RBFOX1: variants seen among roughly 807,000 people sequenced by gnomAD.
RBFOX1 encodes the protein RNA binding protein fox-1 homolog 1.
In RBFOX1, 8 loss-of-function variants were observed where a neutral mutation model predicts 57.7. The ratio of observed to expected loss-of-function variants is 0.14; its 90% CI spans 0.08 to 0.25. RBFOX1 has a LOEUF of 0.25. RBFOX1 is among the 10% of genes least tolerant of loss of function. RBFOX1 has a pLI of 1.00. For synonymous variants in RBFOX1, 326 were observed against 222.4 expected (o/e 1.47, Z -4.15); for missense variants, 611 against 548.5 (o/e 1.11, Z -1.14).
intron 1 of RBFOX1, among the ~76,000 whole-genome samples, chr16:6,087,210 G>A (rs2096099442): frequency 6.6e-6 from 1 of 152,172 alleles, no homozygotes; most frequent in African/African-American, 2.4e-5. Flanking sequence ...GTGAAAAGTG[G>A]CACATTTTTA....
At chr16:7,022,963 A>G (rs1182466109) in intron 3 of RBFOX1, among the ~76,000 whole-genome samples, 1 of 152,174 alleles carries the variant, frequency 6.6e-6, no homozygotes, top group Admixed American at 6.5e-5. Context: ...CACAGCCAGG[A>G]AGGAGGCAGA....
chr16:5,638,044 G>A (rs962377246), intron 3 of RBFOX1, among the ~76,000 whole-genome samples: 34 of 152,172 alleles, frequency 2.2e-4, no homozygotes, highest in East Asian at 1.5e-3. Flanking sequence ...TCTCATACGG[G>A]AGTTCCTTTT....
intron 3 of RBFOX1, among the ~76,000 whole-genome samples, chr16:6,954,949 G>A (rs2081455399): frequency 6.6e-6 from 1 of 152,144 alleles, no homozygotes; most frequent in Non-Finnish European, 1.5e-5. Context: ...TTAATATGAA[G>A]GCTGGGTGTG....
intron 4 of RBFOX1, among the ~76,000 whole-genome samples, chr16:5,987,184 G>C (rs777549378): frequency 6.6e-6 from 1 of 151,994 alleles, no homozygotes; most frequent in African/African-American, 2.4e-5. Context: ...TTATTGAATT[G>C]TTTGTTCACA....
intron 2 of RBFOX1, among the ~76,000 whole-genome samples, chr16:5,567,767 AC>A (rs1371649006): frequency 1.1e-4 from 17 of 151,668 alleles, no homozygotes; most frequent in African/African-American, 4.1e-4. Context: ...CATTGTCGTC[AC>A]CGTCACCTAT....
chr16:5,553,562 G>A (rs34126832), intron 2 of RBFOX1, among the ~76,000 whole-genome samples: 50,610 of 151,556 alleles, frequency 0.33, 8,864 homozygotes, highest in Admixed American at 0.37. Flanking sequence ...TGATCTGCCC[G>A]TCTCAGCCTC....
rs139450007 is a variant in RBFOX1, at chr16:6,149,234, C to T, written c.-127+129242C>T. On this transcript the variant is annotated intron_variant, in intron 1 of 15. Coordinates refer to ENST00000550418, the MANE Select transcript of RBFOX1 (RefSeq NM_018723.4). Reference sequence around the variant, plus strand: ...ATGTGTGTGTGTGCGCGCGCGTGCGCGGATGTGTGTGGCTGCTTGTGTAGC... The same window carrying T: ...ATGTGTGTGTGTGCGCGCGCGTGCGTGGATGTGTGTGGCTGCTTGTGTAGC... 1.6e-3 allele frequency among the ~76,000 whole-genome samples: 248 copies of T among 152,284 alleles called. 1 individual carries two copies. Among genetic ancestry groups the T allele is most frequent in the African/African-American group, 5.1e-3 (213 of 41,560 alleles).
chr16:6,203,933 A>G (rs951904468), intron 1 of RBFOX1, among the ~76,000 whole-genome samples: 2 of 150,860 alleles, frequency 1.3e-5, no homozygotes, highest in African/African-American at 2.4e-5. Flanking sequence ...CAGAGAAATC[A>G]TATTAACTCT....
At chr16:7,169,939 G>A (rs1221992274) in intron 4 of RBFOX1, among the ~76,000 whole-genome samples, 1 of 152,076 alleles carries the variant, frequency 6.6e-6, no homozygotes, top group Admixed American at 6.5e-5. Flanking sequence ...TGGGCATGGT[G>A]ACACACGCCT....
chr16:6,775,870 C>G (rs937518357), intron 3 of RBFOX1: 1 of 152,180 alleles, frequency 6.6e-6, no homozygotes, highest in African/African-American at 2.4e-5. Context: ...TGCAAAGCTT[C>G]CACGATCCTC....
chr16:6,085,685 C>T (rs565723859), intron 1 of RBFOX1, among the ~76,000 whole-genome samples: 8 of 124,230 alleles, frequency 6.4e-5, no homozygotes, highest in South Asian at 2.5e-4. Flanking sequence ...TGTGTGCATG[C>T]GCGCACGCAC....
At chr16:5,555,559 AC>A (rs888753795) in intron 2 of RBFOX1, among the ~76,000 whole-genome samples, 21 of 151,860 alleles carry the variant, frequency 1.4e-4, no homozygotes, top group Non-Finnish European at 2.9e-4. Flanking sequence ...CCTTGCAATT[AC>A]TTTTAATGGC....
chr16:6,503,003 A>G (rs2095982735), intron 2 of RBFOX1, among the ~76,000 whole-genome samples: 1 of 152,152 alleles, frequency 6.6e-6, no homozygotes, highest in Non-Finnish European at 1.5e-5. Flanking sequence ...TAATGTATAG[A>G]TAGATAAATG....
chr16:6,261,358 C>T (rs1181025560), intron 1 of RBFOX1, among the ~76,000 whole-genome samples: 4 of 152,202 alleles, frequency 2.6e-5, no homozygotes, highest in Non-Finnish European at 4.4e-5. Flanking sequence ...TTGTTTTTTT[C>T]TCTACCTAGT....
chr16:7,444,841 C>T (rs745880699), intron 4 of RBFOX1, among the ~76,000 whole-genome samples: 1 of 152,122 alleles, frequency 6.6e-6, no homozygotes. Flanking sequence ...TGACATTTTA[C>T]TCTTAATCCT....
chr16:6,240,072 C>T (rs545100607), intron 1 of RBFOX1, among the ~76,000 whole-genome samples: 51 of 152,130 alleles, frequency 3.4e-4, no homozygotes, highest in African/African-American at 1.2e-3. Flanking sequence ...GTCATTTAAA[C>T]GCATCTCGCT....
chr16:7,054,365 G>C (rs56055435), intron 4 of RBFOX1, among the ~76,000 whole-genome samples: 14 of 149,180 alleles, frequency 9.4e-5, no homozygotes, highest in African/African-American at 3.4e-4. Context: ...TCAGCCTCCA[G>C]AGTCGCTGGG....
At chr16:6,446,468 A>G (rs768802628) in intron 2 of RBFOX1, among the ~76,000 whole-genome samples, 10 of 152,242 alleles carry the variant, frequency 6.6e-5, no homozygotes, top group Non-Finnish European at 1.0e-4. Context: ...GGGACATTCA[A>G]GTAACATAGA....
intron 3 of RBFOX1, among the ~76,000 whole-genome samples, chr16:6,999,225 A>T (rs59363801): frequency 0.41 from 50,148 of 122,452 alleles, 14,548 homozygotes; most frequent in East Asian, 0.78. Context: ...TATTTTTTTT[A>T]TTTATTTTTT....
Sources: allele counts gnomAD v4.1 joint callset (sites outside exome capture counted in the v4.1 genomes callset), GRCh38; gene constraint gnomAD v4.1.1; transcripts MANE v1.5; gene names NCBI Gene and HGNC (gene_info 2026-07-23, HGNC 2026-07-21).